CCN5: variants seen among roughly 807,000 people sequenced by gnomAD.
CCN5 encodes the protein CCN family member 5.
CCN5 carries 17 observed loss-of-function variants against 18.7 expected under a neutral mutation model. That is an observed-to-expected ratio of 0.91 (90% CI 0.62 to 1.36). The LOEUF (loss-of-function observed/expected upper bound fraction) is 1.36. Among genes scored for constraint, CCN5 ranks in the 40% most tolerant of loss-of-function variants. The pLI is 0.00. For synonymous variants in CCN5, 135 were observed against 145.2 expected (o/e 0.93, Z 0.50); for missense variants, 367 against 342.9 (o/e 1.07, Z -0.56).
chr20:44,725,833 A>G (rs2065932755), intron 3 of CCN5, among the ~76,000 whole-genome samples: 1 of 152,188 alleles, frequency 6.6e-6, no homozygotes, highest in African/African-American at 2.4e-5. Flanking sequence ...CCGTCCCACT[A>G]TAAATCTTCA....
chr20:44,723,661 C>T (rs1289228460), intron 2 of CCN5: 1 of 152,208 alleles, frequency 6.6e-6, no homozygotes, highest in Non-Finnish European at 1.5e-5. Context: ...TCCTGAGCAG[C>T]TCACACGCTT....
chr20:44,727,083 C>A lies in CCN5; in HGVS notation c.533-4C>A. On this transcript the variant is annotated splice_region_variant and splice_polypyrimidine_tract_variant and intron_variant, in intron 3 of 3. Coordinates refer to ENST00000190983, the MANE Select transcript of CCN5 (RefSeq NM_003881.4). The stretch of plus-strand genomic sequence containing the variant: ...AGTGCTAACTCTTGTTCTTTCCCCC[C>A]TAGGACCCCAGTTTTCTGGCCTTGT... The A allele has an allele frequency of 6.3e-7, 1 of 1,576,260 alleles. No individual in the cohort carries two copies. Among genetic ancestry groups the A allele is most frequent in the Non-Finnish European group, 8.6e-7 (1 of 1,158,688 alleles).
At position 44,724,729 on chromosome 20, in the gene CCN5, C is replaced by T; in HGVS notation, c.278-9C>T. The T allele has an allele frequency of 6.2e-7, 1 of 1,612,262 alleles. No homozygotes were observed. The highest frequency in any genetic ancestry group is 8.5e-7 in the Non-Finnish European group (1 of 1,179,616). Reference sequence around the variant, plus strand: ...GGTCACCGATGGGGGTGCGGTTTTTCCTCCGCAGTGGCAGAGGACGACAGC... The same window carrying T: ...GGTCACCGATGGGGGTGCGGTTTTTTCTCCGCAGTGGCAGAGGACGACAGC... On this transcript the variant is annotated splice_polypyrimidine_tract_variant and intron_variant, in intron 2 of 3. Coordinates refer to ENST00000190983, the MANE Select transcript of CCN5 (RefSeq NM_003881.4).
chr20:44,715,283 GTGTACTCGTGCGTGTGCC>G, upstream of CCN5: 1 of 862,912 alleles, frequency 1.2e-6, no homozygotes, highest in Non-Finnish European at 1.8e-6. Flanking sequence ...GCGCGCGCGT[GTGTACTCGTGCGTGTGCC>G]TGTGTGTGCC....
At chr20:44,715,334 G>A (rs781349683), upstream of CCN5, 230 of 1,546,570 alleles carry the variant, frequency 1.5e-4, no homozygotes, top group Non-Finnish European at 1.9e-4. Context: ...CACAGCTGCC[G>A]GAACATAAAG....
rs533837110 is a variant in CCN5 at position 44,722,686 on chromosome 20, C to T, written c.278-2052C>T. On this transcript the variant is annotated intron_variant, in intron 2 of 3. Transcript: ENST00000190983. ...ACGGGGTTTCACCATGTTGGCCAGG[C>T]TGGTCTGGAACTCCTGACCTCAAGT... Among the ~76,000 whole-genome samples, 4 of 152,140 alleles carry T rather than the reference C, an allele frequency of 2.6e-5. No homozygotes were observed. In the East Asian group the frequency reaches 7.7e-4, roughly 29 times the overall value.
At position 44,720,120 on chromosome 20, in the gene CCN5, A is replaced by T; in HGVS notation, c.277+7A>T. The T allele has an allele frequency of 1.3e-6, 2 of 1,542,612 alleles. No individual in the cohort carries two copies. The highest frequency in any genetic ancestry group is 3.4e-4 in the Middle Eastern group (2 of 5,956). The stretch of plus-strand genomic sequence containing the variant: ...CGGGGGGCCCTGTGCCTCTGTAAGC[A>T]GGTTTGCAGGACTGAGTGGGGGCGG... On this transcript the variant is annotated splice_region_variant and intron_variant, in intron 2 of 3. Transcript: ENST00000190983.
chr20:44,716,140 C>A (rs1014853838), intron 1 of CCN5, among the ~76,000 whole-genome samples: 3 of 152,174 alleles, frequency 2.0e-5, no homozygotes, highest in African/African-American at 7.2e-5. Context: ...AAAGGGTAAG[C>A]AACTTGCCCA....
chr20:44,722,438 G>A (rs941873611), intron 2 of CCN5, among the ~76,000 whole-genome samples: 2 of 148,142 alleles, frequency 1.4e-5, no homozygotes, highest in East Asian at 2.0e-4. Flanking sequence ...CCTGGGAGTC[G>A]TTCTAGAGGT....
At chr20:44,716,525 T>C (rs994275953) in intron 1 of CCN5, 4 of 152,288 alleles carry the variant, frequency 2.6e-5, no homozygotes, top group Admixed American at 6.5e-5. Context: ...GCTTGGGTAG[T>C]TGGAATAGGG....
chr20:44,715,773 C>G (rs2065855646), intron 1 of CCN5, among the ~76,000 whole-genome samples: 1 of 152,208 alleles, frequency 6.6e-6, no homozygotes, highest in Non-Finnish European at 1.5e-5. Flanking sequence ...TTGAAGAGGA[C>G]TTTAATGTAT....
At position 44,724,831 on chromosome 20, in the gene CCN5, A is replaced by G. The variant is rs142534021; in HGVS notation, c.371A>G (p.Glu124Gly). The G allele has an allele frequency of 5.6e-5, 90 of 1,606,200 alleles. No individual in the cohort carries two copies. In the African/African-American group the frequency reaches 8.9e-4, roughly 16 times the overall value. Residue 124 changes from glutamate to glycine, a missense_variant, in exon 3 of 4, where the codon GAG becomes GGG. Coordinates refer to ENST00000190983, the MANE Select transcript of CCN5 (RefSeq NM_003881.4). The part of the protein sequence containing the change: ...QPHCSIRCRC[E>G]DGGFTCVPLC... ...CACTGCAGCATCCGCTGCCGCTGCG[A>G]GGACGGCGGCTTCACCTGCGTGCCG...
chr20:44,723,860 C>T (rs898047156), intron 2 of CCN5: 9 of 152,262 alleles, frequency 5.9e-5, no homozygotes, highest in African/African-American at 2.2e-4. Flanking sequence ...ATCAGGGTCT[C>T]TCATGTGCCA....
In CCN5 at chr20:44,727,694, G is replaced by A. The variant is rs1027830788; in HGVS notation, c.*387G>A. ...AATATTGAGGCTGCAGCAGGTGCTG[G>A]GCTGGACTGGCCATTTTTCTGGGGG... On this transcript the variant is annotated 3_prime_UTR_variant, in exon 4 of 4. Transcript: ENST00000190983. 2 of 428,040 alleles carry A rather than the reference G, an allele frequency of 4.7e-6. No individual in the cohort carries two copies. Among genetic ancestry groups the A allele is most frequent in the Non-Finnish European group, 7.6e-6 (2 of 261,854 alleles). 26.5% of individuals were successfully genotyped at this position (428,040 alleles called of 1,614,324 possible).
rs774642353 is a variant in CCN5, at chr20:44,727,376, C to G, written c.*69C>G. 1 of 1,513,004 alleles carries G rather than the reference C, an allele frequency of 6.6e-7. No homozygotes were observed. Among genetic ancestry groups the G allele is most frequent in the South Asian group, 1.3e-5 (1 of 77,710 alleles). The allele number at this position is 1,513,004 out of a possible 1,614,324, so 93.7% of individuals were successfully genotyped here. The stretch of plus-strand genomic sequence containing the variant: ...GGTGGCCCTGTGCCTGGGCCCTGGG[C>G]TGATGGAAGATGGTCCGTGCCCAGG... On this transcript the variant is annotated 3_prime_UTR_variant, in exon 4 of 4. Transcript: ENST00000190983.
upstream of CCN5, chr20:44,715,074 A>T: frequency 3.4e-6 from 1 of 293,066 alleles, no homozygotes; most frequent in East Asian, 7.0e-5. Flanking sequence ...GCACTGGCTC[A>T]GGCTTTCACA....
chr20:44,715,332 C>A, upstream of CCN5: 1 of 1,541,752 alleles, frequency 6.5e-7, no homozygotes, highest in Non-Finnish European at 8.8e-7. Context: ...CTCACAGCTG[C>A]CGGAACATAA....
chr20:44,723,620 T>A (rs1600994724), intron 2 of CCN5: 2 of 152,080 alleles, frequency 1.3e-5, no homozygotes, highest in Admixed American at 6.6e-5. Flanking sequence ...GCCACCCAGG[T>A]CTCACACACA....
intron 2 of CCN5, chr20:44,720,553 A>G (rs1439918974): frequency 5.0e-6 from 1 of 198,138 alleles, no homozygotes; most frequent in East Asian, 1.7e-4. Flanking sequence ...TCATCCTCAC[A>G]ATAACCCTAT....
Sources: gnomAD v4.1 joint callset for allele counts (sites outside exome capture counted in the v4.1 genomes callset) on GRCh38, gnomAD v4.1.1 for gene constraint, MANE v1.5 for transcripts, NCBI Gene and HGNC (gene_info 2026-07-23, HGNC 2026-07-21) for gene names.